PAPLN: variants seen among roughly 807,000 people sequenced by gnomAD.
The protein encoded by PAPLN is papilin, proteoglycan like sulfated glycoprotein.
PAPLN carries 146 observed loss-of-function variants against 159.0 expected under a neutral mutation model. The ratio of observed to expected loss-of-function variants is 0.92; its 90% CI spans 0.80 to 1.05. PAPLN has a LOEUF of 1.05. Ranked by LOEUF, PAPLN falls within the 50% of genes least tolerant of loss-of-function variation. The pLI, the probability that PAPLN is intolerant of heterozygous loss-of-function variation, is 0.00. For missense variants in PAPLN, 1,720 were observed against 1,743.9 expected, an observed-to-expected ratio of 0.99 and a Z score of 0.24; for synonymous variants, 734 against 702.9, an observed-to-expected ratio of 1.04 and a Z score of -0.70.
At position 73,265,439 on chromosome 14, in the gene PAPLN, C is replaced by T; in HGVS notation, c.3195C>T (p.Cys1065=). ...CAGGCCAGCGGATCCGGATGACCTG[C>T]CGTGCCGAAGGCTTCCCGCCCCCAG... ...ASPGQRIRMT[C]RAEGFPPPAI... The change falls in exon 23 of 27, where the codon TGC becomes TGT. Residue 1065 remains cysteine (C), a synonymous_variant. Transcript: ENST00000644200. The surrounding 1 kb of genome is among the most constrained non-coding windows in gnomAD (Gnocchi z 4.1). 1 of 1,613,320 alleles carries T rather than the reference C, an allele frequency of 6.2e-7. No individual in the cohort carries two copies. Among genetic ancestry groups the T allele is most frequent in the Non-Finnish European group, 8.5e-7 (1 of 1,180,018 alleles).
chr14:73,265,415 A>C lies in PAPLN; in HGVS notation c.3171A>C (p.Pro1057=). 1 of 1,612,594 alleles carries C rather than the reference A, an allele frequency of 6.2e-7. No homozygotes were observed. The highest frequency in any genetic ancestry group is 8.5e-7 in the Non-Finnish European group (1 of 1,180,016). The change falls in exon 23 of 27, where the codon CCA becomes CCC. Residue 1057 remains proline (P), a synonymous_variant. Transcript: ENST00000644200. The surrounding 1 kb of genome is among the most constrained non-coding windows in gnomAD (Gnocchi z 4.1). ...QNQPRVVDAS[P]GQRIRMTCRA... is the part of the protein sequence containing the mutation. ...AGCCCCGGGTGGTGGATGCCAGTCC[A>C]GGCCAGCGGATCCGGATGACCTGCC...
In PAPLN at chr14:73,249,974, C is replaced by G; in HGVS notation, c.335-10C>G. ...TCAGGATCTCAGTCTTGCCTTCCTG[C>G]CCACCCCAGCCCCAAACAAGTGTGA... On this transcript the variant is annotated splice_polypyrimidine_tract_variant and intron_variant, in intron 5 of 26. Transcript: ENST00000644200. 1 of 1,592,376 alleles carries G rather than the reference C, an allele frequency of 6.3e-7. No individual in the cohort carries two copies. The highest frequency in any genetic ancestry group is 8.6e-7 in the Non-Finnish European group (1 of 1,168,580).
chr14:73,268,538 A>C lies in PAPLN; in HGVS notation c.3501-19A>C, dbSNP rs747964272. On this transcript the variant is annotated intron_variant, in intron 25 of 26. Transcript: ENST00000644200. ...TCCAGAGGCCCTTGATGGCTCTCCC[A>C]GTGTCCTCTCTCCTCCAGGAACGGG... The C allele has an allele frequency of 6.2e-7, 1 of 1,604,302 alleles. No homozygotes were observed. The highest frequency in any genetic ancestry group is 2.2e-5 in the East Asian group (1 of 44,578).
At chr14:73,246,911 T>A (rs1199032110) in intron 5 of PAPLN, 1 of 152,186 alleles carries the variant, frequency 6.6e-6, no homozygotes, top group African/African-American at 2.4e-5. Flanking sequence ...CAACCCATAA[T>A]GAATCAATCA....
Position 73,265,247 on chromosome 14 carries a change from T to A in PAPLN, c.3126-123T>A. The A allele has an allele frequency of 6.9e-7, 1 of 1,458,126 alleles. No homozygotes were observed. The highest frequency in any genetic ancestry group is 9.1e-7 in the Non-Finnish European group (1 of 1,093,690). 90.3% of individuals were successfully genotyped at this position (1,458,126 alleles called of 1,614,324 possible). On this transcript the variant is annotated intron_variant, in intron 22 of 26. Transcript: ENST00000644200. This position sits in a 1 kb window ranked among gnomAD's most constrained non-coding sequence, Gnocchi z 4.1. ...TTCCTAACCAGAACAAGGCAGGGGA[T>A]TTTAGGAAGCTGAATCTGGCTGGAG...
In PAPLN at chr14:73,259,507, G is replaced by C; in HGVS notation, c.1947G>C (p.Gln649His). Residue 649 changes from glutamine (Q) to histidine (H), a missense_variant, in exon 16 of 27, where the codon CAG becomes CAC. By Grantham distance (24) the Gln-to-His change is conservative. Coordinates refer to ENST00000644200, the MANE Select transcript of PAPLN (RefSeq NM_001365906.3). Reference protein sequence around the residue: ...PDGHTASLGPQWQGCPGAPCQ... With the variant: ...PDGHTASLGPHWQGCPGAPCQ... ...GCCACACGGCATCTCTCGGGCCTCA[G>C]TGGCAAGGCTGCCCTGGGGCCCCCT... 1 of 1,599,158 alleles carries C rather than the reference G, an allele frequency of 6.3e-7. No homozygotes were observed. Among genetic ancestry groups the C allele is most frequent in the Non-Finnish European group, 8.5e-7 (1 of 1,172,560 alleles).
At position 73,262,839 on chromosome 14, in the gene PAPLN, C is replaced by G. The variant is rs202063722; in HGVS notation, c.2723+12C>G. 1 of 1,454,578 alleles carries G rather than the reference C, an allele frequency of 6.9e-7. No homozygotes were observed. The highest frequency in any genetic ancestry group is 9.1e-7 in the Non-Finnish European group (1 of 1,104,116). The allele number at this position is 1,454,578 out of a possible 1,614,324, so 90.1% of individuals were successfully genotyped here. On this transcript the variant is annotated intron_variant, in intron 19 of 26. Coordinates refer to ENST00000644200, the MANE Select transcript of PAPLN (RefSeq NM_001365906.3). ...AGCTCCTCCTACAGGTGAGGCCCAC[C>G]TTCCCCAGGTGAGGGGGTTAGGACG...
At chr14:73,269,760 G>T (rs1295064024) in intron 26 of PAPLN, among the ~76,000 whole-genome samples, 2 of 152,198 alleles carry the variant, frequency 1.3e-5, no homozygotes, top group Non-Finnish European at 2.9e-5. Context: ...GGGGGAGTAT[G>T]CCAGGCTCGG....
rs1208006886 is a variant in PAPLN, at chr14:73,254,639, C to T, written c.1429C>T (p.His477Tyr). ...GCCACCTCTGACTGAGCCCTGTGTG[C>T]ATGAGGACTGCCCCCTCCTCAGTGA... Reference protein sequence around the residue: ...DRPPLTEPCVHEDCPLLSDQA... With the variant: ...DRPPLTEPCVYEDCPLLSDQA... The change falls in exon 13 of 27, where the codon CAT becomes TAT. Residue 477 changes from histidine to tyrosine, a missense_variant. His to Tyr is a moderately conservative substitution (Grantham distance 83). Coordinates refer to ENST00000644200, the MANE Select transcript of PAPLN (RefSeq NM_001365906.3). 4 of 1,614,064 alleles carry T rather than the reference C, an allele frequency of 2.5e-6. No individual in the cohort carries two copies. The East Asian group carries it at 8.9e-5, about 36-fold the overall frequency.
chr14:73,236,720 G>C (rs1307582080), upstream of PAPLN, among the ~76,000 whole-genome samples: 1 of 151,974 alleles, frequency 6.6e-6, no homozygotes, highest in Non-Finnish European at 1.5e-5. Context: ...GGAGGCTGAG[G>C]CTGGAGAATC....
chr14:73,268,436 C>A, intron 25 of PAPLN, 121 bp from the exon 26 acceptor site: 1 of 1,019,908 alleles, frequency 9.8e-7, no homozygotes, highest in Non-Finnish European at 1.4e-6. Context: ...CTGTCCTCCA[C>A]CTGTTTGCTC....
At chr14:73,239,644 C>T in intron 1 of PAPLN, 129 bp from the exon 2 acceptor site, 2 of 1,433,050 alleles carry the variant, frequency 1.4e-6, no homozygotes, top group Non-Finnish European at 1.8e-6. Flanking sequence ...CGAGGCGCAC[C>T]CGGCTGTCCT....
Position 73,272,720 on chromosome 14 carries a change from G to A in PAPLN, c.*56G>A, listed in dbSNP as rs1475493436. 2 of 1,424,072 alleles carry A rather than the reference G, an allele frequency of 1.4e-6. No individual in the cohort carries two copies. Among genetic ancestry groups the A allele is most frequent in the East Asian group, 2.4e-5 (1 of 41,162 alleles). 88.2% of individuals were successfully genotyped at this position (1,424,072 alleles called of 1,614,324 possible). ...AATAGTTCATAGGGCTAGGGAGAAA[G>A]GAAGATGGACTCTTGGCTTCCTCTC... On this transcript the variant is annotated 3_prime_UTR_variant, in exon 27 of 27. Transcript: ENST00000644200.
chr14:73,239,847 G>T lies in PAPLN; in HGVS notation c.54+15G>T. The T allele has an allele frequency of 6.4e-7, 1 of 1,574,150 alleles. No individual in the cohort carries two copies. ...CCGGGTCCTCGGTGAGTGCGGTCCT[G>T]CCCCGGCCCCCGGAGGAACCTGCAG... On this transcript the variant is annotated intron_variant, in intron 2 of 26. Transcript: ENST00000644200.
At chr14:73,248,851 C>T (rs1486427999) in intron 5 of PAPLN, among the ~76,000 whole-genome samples, 1 of 150,696 alleles carries the variant, frequency 6.6e-6, no homozygotes, top group Non-Finnish European at 1.5e-5. Flanking sequence ...TAAAACCAGG[C>T]CAGGTACAGT....
rs756458214 is a variant in PAPLN, at chr14:73,252,076, G to A, written c.902G>A (p.Arg301His). ...VHYEYHLPLR[R>H]PSPGFSWSHG... is the part of the protein sequence containing the mutation. The stretch of plus-strand genomic sequence containing the variant: ...TATGAGTACCACCTGCCCCTGCGCC[G>A]CCCCAGCCCCGGCTTCAGCTGGAGC... The change falls in exon 10 of 27, where the codon CGC becomes CAC. Residue 301 changes from arginine (R) to histidine (H), a missense_variant. Coordinates refer to ENST00000644200, the MANE Select transcript of PAPLN (RefSeq NM_001365906.3). 1.9e-5 allele frequency: 30 copies of A among 1,611,362 alleles called. No individual in the cohort carries two copies. Among genetic ancestry groups the A allele is most frequent in the East Asian group, 2.2e-5 (1 of 44,846 alleles).
chr14:73,258,694 T>A (rs1489675560), intron 14 of PAPLN, among the ~76,000 whole-genome samples: 1 of 150,066 alleles, frequency 6.7e-6, no homozygotes, highest in Admixed American at 6.7e-5. Context: ...CCCAGGAGGT[T>A]GAGGCTTTAG....
chr14:73,249,807 G>T, intron 5 of PAPLN, 177 bp from the exon 6 acceptor site: 2 of 522,638 alleles, frequency 3.8e-6, no homozygotes, highest in Non-Finnish European at 6.0e-6. Flanking sequence ...CCTTAGAGGT[G>T]CAACAGATTC....
chr14:73,252,126 G>T lies in PAPLN; in HGVS notation c.952G>T (p.Ala318Ser). 1 of 1,604,246 alleles carries T rather than the reference G, an allele frequency of 6.2e-7. No individual in the cohort carries two copies. Residue 318 changes from alanine to serine, a missense_variant, in exon 10 of 27, where the codon GCG (alanine) becomes TCG (serine). By Grantham distance (99) the Ala-to-Ser change is moderately conservative. Coordinates refer to ENST00000644200, the MANE Select transcript of PAPLN (RefSeq NM_001365906.3). ...CCACGGCTCATGGAGTGACTGCAGC[G>T]CGGAGTGTGGCGGAGGTGCGGGCGT... ...WSHGSWSDCS[A>S]ECGGGHQSRL... is the part of the protein sequence containing the mutation.
Sources: gnomAD v4.1 joint callset for allele counts (sites outside exome capture counted in the v4.1 genomes callset) on GRCh38, gnomAD v4.1.1 for gene constraint, Gnocchi (gnomAD v3.1) non-coding constraint, MANE v1.5 for transcripts, NCBI Gene and HGNC (gene_info 2026-07-23, HGNC 2026-07-21) for gene names.